NDUFA10: variants seen among roughly 807,000 people sequenced by gnomAD.
NDUFA10 encodes the protein NADH:ubiquinone oxidoreductase subunit A10.
In NDUFA10, 40 loss-of-function variants were observed where a neutral mutation model predicts 47.8. The observed-to-expected ratio is 0.84, with a 90% CI of 0.65 to 1.09. The LOEUF is 1.09. NDUFA10 is among the 50% of genes least tolerant of loss of function. NDUFA10 has a pLI of 0.00. For missense variants in NDUFA10, 413 were observed against 451.1 expected (o/e 0.92, Z 0.76); for synonymous variants, 183 against 172.2 (o/e 1.06, Z -0.49).
At chr2:240,005,163 G>T in intron 8 of NDUFA10, 47 bp downstream of exon 8, 2 of 1,496,082 alleles carry the variant, frequency 1.3e-6, no homozygotes, top group Non-Finnish European at 1.9e-6. Flanking sequence ...TCCCCATCAT[G>T]CAAGTAGACC....
At chr2:239,948,210 C>A (rs115565811) in intron 4 of NDUFA10, among the ~76,000 whole-genome samples, 3 of 152,276 alleles carry the variant, frequency 2.0e-5, no homozygotes, top group African/African-American at 4.8e-5. Context: ...CCTGCCCACA[C>A]GTCCGTCCCT....
chr2:239,927,060 C>A (rs1694078585), intron 4 of NDUFA10, among the ~76,000 whole-genome samples: 1 of 152,142 alleles, frequency 6.6e-6, no homozygotes, highest in Admixed American at 6.5e-5. Flanking sequence ...CACCAGGTCC[C>A]TCCCACAACA....
chr2:240,013,337 T>C (rs1697213576), intron 5 of NDUFA10: 1 of 152,206 alleles, frequency 6.6e-6, no homozygotes, highest in African/African-American at 2.4e-5. Flanking sequence ...CTTGGAAAAA[T>C]TAAGAAGTTG....
At chr2:239,948,961 A>T (rs1694503459) in intron 4 of NDUFA10, among the ~76,000 whole-genome samples, 1 of 152,120 alleles carries the variant, frequency 6.6e-6, no homozygotes, top group East Asian at 1.9e-4. Flanking sequence ...GTCACAGGGC[A>T]CCCCCTTCTG....
chr2:239,916,017 CAT>C (rs1693865965), intron 4 of NDUFA10, among the ~76,000 whole-genome samples: 1 of 127,340 alleles, frequency 7.9e-6, no homozygotes, highest in Admixed American at 7.5e-5. Context: ...TATACAGATA[CAT>C]AGAGAGACAC....
At chr2:239,983,575 A>G in intron 9 of NDUFA10, 1 of 1,597,622 alleles carries the variant, frequency 6.3e-7, no homozygotes, top group South Asian at 1.1e-5. Flanking sequence ...GAGGAAGAGC[A>G]GCTTCCAGTG....
downstream of NDUFA10, among the ~76,000 whole-genome samples, chr2:239,955,556 G>T (rs998120903): frequency 1.3e-5 from 2 of 152,182 alleles, no homozygotes; most frequent in African/African-American, 2.4e-5. Flanking sequence ...GAGAGCCCAG[G>T]ACACGGGGGT....
intron 4 of NDUFA10, among the ~76,000 whole-genome samples, chr2:239,950,055 C>T (rs1158713401): frequency 1.3e-5 from 2 of 152,098 alleles, no homozygotes; most frequent in African/African-American, 2.4e-5. Context: ...AAAATCAGGC[C>T]GTCCCCACCT....
At chr2:239,953,879 G>A (rs554642739), downstream of NDUFA10, among the ~76,000 whole-genome samples, 14 of 152,256 alleles carry the variant, frequency 9.2e-5, no homozygotes, top group Non-Finnish European at 1.3e-4. Flanking sequence ...TCTCCAGGAA[G>A]AGCGAGGTGG....
chr2:240,024,084 G>A (rs573860225), intron 1 of NDUFA10, among the ~76,000 whole-genome samples: 1 of 152,216 alleles, frequency 6.6e-6, no homozygotes, highest in African/African-American at 2.4e-5. Flanking sequence ...CAGCTTCTTA[G>A]AAAACTAGTC....
rs768403276 is a variant in NDUFA10 at position 239,987,470 on chromosome 2, A to C, written c.999+2604T>G. ...CCGAGACCACACTCGGCGAACCATC[A>C]CATTCAAGAGTTTGAAGATAACAGA... is the stretch of plus-strand genomic sequence containing the variant. On this transcript the variant is annotated intron_variant, in intron 9 of 9. Transcript: ENST00000252711. The surrounding 1 kb of genome is among the most constrained non-coding windows in gnomAD (Gnocchi z 4.8). Among the ~76,000 whole-genome samples, 5 of 152,006 alleles carry C rather than the reference A, an allele frequency of 3.3e-5. No individual in the cohort carries two copies. The highest frequency in any genetic ancestry group is 7.4e-5 in the Non-Finnish European group (5 of 68,000).
At position 239,959,111 on chromosome 2, in the gene NDUFA10, G is replaced by GA; in HGVS notation, c.*2006dup. The GA allele has an allele frequency of 9.1e-6, 9 of 985,430 alleles. No homozygotes were observed. Among genetic ancestry groups the GA allele is most frequent in the Non-Finnish European group, 1.1e-5 (9 of 829,940 alleles). The allele number at this position is 985,430 out of a possible 1,614,324, so 61.0% of individuals were successfully genotyped here. A position where few individuals can be genotyped will look rare whatever the true frequency, so the allele number is the denominator to read the frequency against. ...AACATGCATGTCATTGAAAACACCA[G>GA]AAAATCAAACAGACGAATGTCCTCA... On this transcript the variant is annotated 3_prime_UTR_variant, in exon 10 of 10. Coordinates refer to ENST00000252711, the MANE Select transcript of NDUFA10 (RefSeq NM_004544.4).
chr2:240,014,539 C>T (rs1281262626), intron 5 of NDUFA10, 200 bp downstream of exon 5: 8 of 764,050 alleles, frequency 1.0e-5, no homozygotes, highest in African/African-American at 3.4e-5. Context: ...GCGGCAGGCC[C>T]GCAGGCTGTG....
At chr2:239,978,157 C>T (rs1485971726) in intron 9 of NDUFA10, among the ~76,000 whole-genome samples, 5 of 152,124 alleles carry the variant, frequency 3.3e-5, no homozygotes, top group Admixed American at 3.3e-4. Context: ...ATCAACGGTC[C>T]CATTCCTCTC....
chr2:239,999,672 C>G (rs969470711), intron 8 of NDUFA10, among the ~76,000 whole-genome samples: 3 of 152,230 alleles, frequency 2.0e-5, no homozygotes, highest in Non-Finnish European at 4.4e-5. Flanking sequence ...TTACGTAACT[C>G]TCTTCTGTTC....
Position 239,961,130 on chromosome 2 carries a change from G to T in NDUFA10, c.1056C>A (p.Ile352=). The part of the protein sequence containing the change: ...GYNTEVGDKW[I]WLK ...GAAGGCGGCCCGTTCACTTCAGCCAGATCCACTTGTCTCCCACCTCGGTGT... is the reference window on the plus strand; with the variant it reads ...GAAGGCGGCCCGTTCACTTCAGCCATATCCACTTGTCTCCCACCTCGGTGT... The change falls in exon 10 of 10, where the codon ATC becomes ATA. Residue 352 remains isoleucine (I), a synonymous_variant. Transcript: ENST00000252711. 1 of 1,614,226 alleles carries T rather than the reference G, an allele frequency of 6.2e-7. No individual in the cohort carries two copies. The highest frequency in any genetic ancestry group is 8.5e-7 in the Non-Finnish European group (1 of 1,180,044).
intron 5 of NDUFA10, 84 bp downstream of exon 5, chr2:240,014,655 T>C (rs770441649): frequency 7.8e-5 from 124 of 1,586,432 alleles, no homozygotes; most frequent in South Asian, 2.2e-5. Context: ...TAGGAATTAG[T>C]ATAAATGCTA....
intron 4 of NDUFA10, among the ~76,000 whole-genome samples, chr2:239,907,496 C>G (rs908218903): frequency 2.6e-5 from 4 of 152,162 alleles, no homozygotes; most frequent in Non-Finnish European, 4.4e-5. Context: ...ATGATCTACC[C>G]ATCTAACAAA....
At chr2:239,997,867 C>T (rs1333310144) in intron 8 of NDUFA10, among the ~76,000 whole-genome samples, 1 of 152,210 alleles carries the variant, frequency 6.6e-6, no homozygotes, top group East Asian at 1.9e-4. Flanking sequence ...TAGCAGCTGA[C>T]GGCTGGATCT....
Sources: allele counts gnomAD v4.1 joint callset (sites outside exome capture counted in the v4.1 genomes callset), GRCh38; gene constraint gnomAD v4.1.1; non-coding constraint Gnocchi (gnomAD v3.1); transcripts MANE v1.5; gene names NCBI Gene and HGNC (gene_info 2026-07-23, HGNC 2026-07-21).